MAP2K5: variants seen among roughly 807,000 people sequenced by gnomAD.
MAP2K5 encodes mitogen-activated protein kinase kinase 5.
In MAP2K5, 49 loss-of-function variants were observed where a neutral mutation model predicts 83.1. The ratio of observed to expected loss-of-function variants is 0.59; its 90% confidence interval spans 0.47 to 0.75. The LOEUF is 0.75. MAP2K5 is among the 30% of genes least tolerant of loss of function. The pLI is 0.00. For missense variants in MAP2K5, 457 were observed against 557.5 expected, an observed-to-expected ratio of 0.82 and a Z score of 1.82; for synonymous variants, 202 against 191.8, an observed-to-expected ratio of 1.05 and a Z score of -0.44.
intron 6 of MAP2K5, among the ~76,000 whole-genome samples, chr15:67,589,744 G>A (rs1185331040): frequency 1.3e-5 from 2 of 151,538 alleles, no homozygotes; most frequent in Non-Finnish European, 2.9e-5. Flanking sequence ...GGGAAAACTA[G>A]GATCTGAATG....
In MAP2K5 at chr15:67,770,935, G is replaced by C. The variant is rs1441640611; in HGVS notation, c.1196+1272G>C. Among the ~76,000 whole-genome samples the C allele has an allele frequency of 6.6e-6, 1 of 151,892 alleles. No homozygotes were observed. The highest frequency in any genetic ancestry group is 1.5e-5 in the Non-Finnish European group (1 of 67,992). On this transcript the variant is annotated intron_variant, in intron 20 of 21. Coordinates refer to ENST00000178640, the MANE Select transcript of MAP2K5 (RefSeq NM_145160.3). This position sits in a 1 kb window ranked among gnomAD's most constrained non-coding sequence, Gnocchi z 5.0. ...TTATTTAAAATACTTATATAATATT[G>C]TGTAGCTTTTAAAAACTATTTTTAC...
intron 3 of MAP2K5, among the ~76,000 whole-genome samples, chr15:67,569,111 C>G (rs1244886781): frequency 6.6e-6 from 1 of 151,280 alleles, no homozygotes; most frequent in African/African-American, 2.4e-5. Flanking sequence ...TTACCAAATT[C>G]ATTGTCCATT....
chr15:67,686,767 A>C (rs2087968375), intron 13 of MAP2K5, among the ~76,000 whole-genome samples: 1 of 152,190 alleles, frequency 6.6e-6, no homozygotes, highest in South Asian at 2.1e-4. Flanking sequence ...TTAAACTTTT[A>C]CACAGCAAAC....
intron 5 of MAP2K5, 24 bp downstream of exon 5, chr15:67,585,954 A>G (rs760662304): frequency 1.2e-6 from 2 of 1,604,078 alleles, no homozygotes; most frequent in East Asian, 4.5e-5. Context: ...TAATTGTTTC[A>G]GTAAAGTTAG....
intron 13 of MAP2K5, among the ~76,000 whole-genome samples, chr15:67,686,943 G>T (rs866005428): frequency 4.6e-5 from 7 of 152,102 alleles, no homozygotes; most frequent in African/African-American, 1.7e-4. Flanking sequence ...GCAAAGATTG[G>T]TTTGAGGATG....
rs534560277 is a variant in MAP2K5, at chr15:67,734,516, G to A, written c.1074+6571G>A. ...TAAAAACATTGAGCACTTTTCAAAT[G>A]CTAATGTTGAAGTACTAGAGTTTTT... On this transcript the variant is annotated intron_variant, in intron 17 of 21. Coordinates refer to ENST00000178640, the MANE Select transcript of MAP2K5 (RefSeq NM_145160.3). 3.9e-5 allele frequency among the ~76,000 whole-genome samples: 6 copies of A among 152,208 alleles called. No individual in the cohort carries two copies. In the East Asian group the frequency reaches 1.2e-3, roughly 29 times the overall value.
rs372804935 is a variant in MAP2K5, at chr15:67,566,951, G to A, written c.252+3601G>A. 2.2e-4 allele frequency among the ~76,000 whole-genome samples: 33 copies of A among 152,316 alleles called. No homozygotes were observed. The East Asian group carries it at 4.8e-3, about 22-fold the overall frequency. ...ATGGTAAGGATTTGTCATGACAATA[G>A]GTTGTTGTGTGCTGTTAAATAATAA... On this transcript the variant is annotated intron_variant, in intron 3 of 21. Coordinates refer to ENST00000178640, the MANE Select transcript of MAP2K5 (RefSeq NM_145160.3).
intron 16 of MAP2K5, among the ~76,000 whole-genome samples, chr15:67,703,916 G>A (rs2088485148): frequency 6.6e-6 from 1 of 152,124 alleles, no homozygotes; most frequent in South Asian, 2.1e-4. Flanking sequence ...CCTCATTCCA[G>A]TATAGTCTTA....
chr15:67,635,443 G>A (rs2086582493), intron 9 of MAP2K5, among the ~76,000 whole-genome samples: 2 of 152,034 alleles, frequency 1.3e-5, no homozygotes, highest in South Asian at 4.2e-4. Context: ...CCAAAGTGCA[G>A]GGATTACAGG....
intron 16 of MAP2K5, among the ~76,000 whole-genome samples, chr15:67,721,468 C>G (rs575224175): frequency 6.6e-6 from 1 of 152,342 alleles, no homozygotes; most frequent in South Asian, 2.1e-4. Flanking sequence ...TACAAGCTCT[C>G]AGACTACTTG....
rs2141293853 is a variant in MAP2K5 at position 67,764,601 on chromosome 15, C to T, written c.1135-5001C>T. On this transcript the variant is annotated intron_variant, in intron 19 of 21. Coordinates refer to ENST00000178640, the MANE Select transcript of MAP2K5 (RefSeq NM_145160.3). This position sits in a 1 kb window ranked among gnomAD's most constrained non-coding sequence, Gnocchi z 4.9. ...TTTGAGGATATGGATTAAGTATCAG[C>T]CATTCCACAATGCCAGGCTCATTGC... 6.6e-6 allele frequency among the ~76,000 whole-genome samples: 1 copy of T among 152,314 alleles called. No individual in the cohort carries two copies. The highest frequency in any genetic ancestry group is 2.1e-4 in the South Asian group (1 of 4,826).
Position 67,565,734 on chromosome 15 carries a change from T to G in MAP2K5, c.252+2384T>G, listed in dbSNP as rs1238257243. Among the ~76,000 whole-genome samples the G allele has an allele frequency of 6.6e-6, 1 of 152,192 alleles. No individual in the cohort carries two copies. The highest frequency in any genetic ancestry group is 2.4e-5 in the African/African-American group (1 of 41,448). The stretch of plus-strand genomic sequence containing the variant: ...TCTGAGATTACTTGGGTCCACTTTT[T>G]TTTATCTGAATAGAAGTCATCTATC... On this transcript the variant is annotated intron_variant, in intron 3 of 21. Transcript: ENST00000178640. This position sits in a 1 kb window ranked among gnomAD's most constrained non-coding sequence, Gnocchi z 4.1.
At position 67,792,448 on chromosome 15, in the gene MAP2K5, G is replaced by C. The variant is rs145293053; in HGVS notation, c.1243-14198G>C. ...TTGCTCTGTATCAAGAAAACCAGAA[G>C]TGACAAGTTCATTTAAAAAGCCTGG... On this transcript the variant is annotated intron_variant, in intron 21 of 21. Transcript: ENST00000178640. Among the ~76,000 whole-genome samples, 469 of 152,230 alleles carry C rather than the reference G, an allele frequency of 3.1e-3. 2 individuals are homozygous for C. The highest frequency in any genetic ancestry group is 0.011 in the African/African-American group (454 of 41,518).
rs1481322783 is a variant in MAP2K5, at chr15:67,755,149, G to T, written c.1134+6548G>T. Among the ~76,000 whole-genome samples the T allele has an allele frequency of 4.0e-5, 6 of 151,788 alleles. No individual in the cohort carries two copies. Among genetic ancestry groups the T allele is most frequent in the African/African-American group, 4.8e-5 (2 of 41,312 alleles). ...ACCACCACGCCCAGCTAATTTTTTT[G>T]TGTGTTTTTAGTAGAGATGGGGTTT... On this transcript the variant is annotated intron_variant, in intron 19 of 21. Transcript: ENST00000178640. The surrounding 1 kb of genome is among the most constrained non-coding windows in gnomAD (Gnocchi z 4.7).
At chr15:67,731,862 C>T (rs1453854534) in intron 17 of MAP2K5, among the ~76,000 whole-genome samples, 4 of 152,184 alleles carry the variant, frequency 2.6e-5, no homozygotes, top group Non-Finnish European at 5.9e-5. Context: ...AGTTTGCCCT[C>T]TCTGCCCTAG....
At chr15:67,739,652 T>C (rs927280535) in intron 17 of MAP2K5, among the ~76,000 whole-genome samples, 1 of 151,056 alleles carries the variant, frequency 6.6e-6, no homozygotes, top group Non-Finnish European at 1.5e-5. Flanking sequence ...GGCTAATTTT[T>C]GTATTTTTAG....
At chr15:67,591,271 G>A (rs1311596684) in intron 6 of MAP2K5, among the ~76,000 whole-genome samples, 1 of 151,662 alleles carries the variant, frequency 6.6e-6, no homozygotes, top group Non-Finnish European at 1.5e-5. Context: ...CTTGAACCCA[G>A]GAGGCGGAGG....
intron 3 of MAP2K5, among the ~76,000 whole-genome samples, chr15:67,578,749 ATT>A: frequency 6.6e-6 from 1 of 152,286 alleles, no homozygotes. Flanking sequence ...AAGGAAAACC[ATT>A]TTTATTTATT....
At chr15:67,656,585 T>G (rs1332893574) in intron 11 of MAP2K5, among the ~76,000 whole-genome samples, 1 of 152,112 alleles carries the variant, frequency 6.6e-6, no homozygotes, top group African/African-American at 2.4e-5. Context: ...CTCCTTGGCC[T>G]CCCAAAGTGC....
Sources: allele counts gnomAD v4.1 joint callset (sites outside exome capture counted in the v4.1 genomes callset), GRCh38; gene constraint gnomAD v4.1.1; non-coding constraint Gnocchi (gnomAD v3.1); transcripts MANE v1.5; gene names NCBI Gene and HGNC (gene_info 2026-07-23, HGNC 2026-07-21).